The following CALN1 variants were observed in gnomAD, a reference collection of about 807,000 sequenced individuals.
CALN1 encodes calcium-binding protein 8.
Under a neutral mutation model 30.6 loss-of-function variants are expected in CALN1, and 17 were observed. That is an observed-to-expected ratio of 0.56 (90% CI 0.38 to 0.83). The LOEUF (loss-of-function observed/expected upper bound fraction) is 0.83, where lower values mean the gene tolerates loss of function less well. CALN1 is among the 40% of genes least tolerant of loss of function. The pLI, the probability that CALN1 is intolerant of heterozygous loss-of-function variation, is 0.00. For synonymous variants in CALN1, 156 were observed against 131.4 expected, an observed-to-expected ratio of 1.19 and a Z score of -1.28; for missense variants, 291 against 354.9, an observed-to-expected ratio of 0.82 and a Z score of 1.45.
rs552159149 is a variant in CALN1, at chr7:72,049,564, GTGGCACCATCT to G, written c.389-25806_389-25796del. ...CTCTTGTTGCCCAGTCTGGAGTGCA[GTGGCACCATCT>G]TGGCTCACTGCAACCCCTGCCTCCC... On this transcript the variant is annotated intron_variant, in intron 4 of 6. Coordinates refer to ENST00000395275, the MANE Select transcript of CALN1 (RefSeq NM_031468.4). Among the ~76,000 whole-genome samples, 4 of 152,188 alleles carry G rather than the reference GTGGCACCATCT, an allele frequency of 2.6e-5. No homozygotes were observed. The South Asian group carries it at 8.3e-4, about 32-fold the overall frequency.
intron 3 of CALN1, among the ~76,000 whole-genome samples, chr7:72,215,307 G>A (rs1490149530): frequency 6.6e-6 from 1 of 152,076 alleles, no homozygotes; most frequent in Admixed American, 6.6e-5. Flanking sequence ...TAAAGACAAA[G>A]GAGAGGCCAG....
At chr7:72,272,728 T>C (rs980035465) in intron 3 of CALN1, among the ~76,000 whole-genome samples, 9 of 152,112 alleles carry the variant, frequency 5.9e-5, no homozygotes, top group Admixed American at 5.9e-4. Flanking sequence ...CTCACCACAA[T>C]ACATTGACAG....
intron 1 of CALN1, among the ~76,000 whole-genome samples, chr7:72,424,658 G>A (rs116650830): frequency 0.012 from 1,888 of 151,928 alleles, 32 homozygotes; most frequent in African/African-American, 0.043. Flanking sequence ...ATGCAGTGGC[G>A]TGATCATAGC....
intron 5 of CALN1, among the ~76,000 whole-genome samples, chr7:71,997,932 T>G (rs1799333634): frequency 6.6e-6 from 1 of 152,144 alleles, no homozygotes. Flanking sequence ...GCGACTCTTG[T>G]GCCTCAGCCT....
At chr7:71,792,056 A>G (rs1452941476) in intron 6 of CALN1, among the ~76,000 whole-genome samples, 3 of 152,206 alleles carry the variant, frequency 2.0e-5, no homozygotes, top group African/African-American at 4.8e-5. Flanking sequence ...TTCTCCAGAA[A>G]GCCAGGCTTC....
chr7:72,100,686 G>T (rs1425503219), intron 4 of CALN1, among the ~76,000 whole-genome samples: 4 of 151,712 alleles, frequency 2.6e-5, no homozygotes, highest in Non-Finnish European at 5.9e-5. Context: ...CGGGCGTGGT[G>T]GCGGGTGCCT....
intron 3 of CALN1, among the ~76,000 whole-genome samples, chr7:72,130,538 A>G (rs1383042750): frequency 6.6e-6 from 1 of 152,162 alleles, no homozygotes; most frequent in African/African-American, 2.4e-5. Context: ...TTTTGCCATT[A>G]AAAGTATGGA....
At position 72,071,322 on chromosome 7, in the gene CALN1, C is replaced by T. The variant is rs1584881231; in HGVS notation, c.388+34829G>A. Among the ~76,000 whole-genome samples the T allele has an allele frequency of 2.0e-5, 3 of 152,266 alleles. No homozygotes were observed. The East Asian group carries it at 5.8e-4, about 29-fold the overall frequency. ...AGAGGCAGGGGCCACTGTTGCTACA[C>T]CTCTGCCCATTGTATAAGCTCCACC... On this transcript the variant is annotated intron_variant, in intron 4 of 6. Coordinates refer to ENST00000395275, the MANE Select transcript of CALN1 (RefSeq NM_031468.4).
At chr7:72,324,888 A>AC (rs1213586602) in intron 2 of CALN1, among the ~76,000 whole-genome samples, 5 of 152,102 alleles carry the variant, frequency 3.3e-5, no homozygotes, top group African/African-American at 1.2e-4. Context: ...TCAGTCTCAA[A>AC]TTTTTCCCTG....
chr7:71,812,929 C>CATCATTATTATT lies in CALN1; in HGVS notation c.502-2438_502-2437insAATAATAATGAT, dbSNP rs1287091997. 8.6e-3 allele frequency among the ~76,000 whole-genome samples: 1,180 copies of CATCATTATTATT among 136,482 alleles called. 8 individuals carry two copies. The highest frequency in any genetic ancestry group is 0.012 in the Non-Finnish European group (750 of 64,554). The allele number at this position is 136,482 out of a possible 152,430, so 89.5% of individuals were successfully genotyped here. On this transcript the variant is annotated intron_variant, in intron 5 of 6. Coordinates refer to ENST00000395275, the MANE Select transcript of CALN1 (RefSeq NM_031468.4). ...CAGCTATTTTATTTATCATCATCAT[C>CATCATTATTATT]ATTATTATTATTATTATTATTATTA... is the stretch of plus-strand genomic sequence containing the variant.
intron 2 of CALN1, among the ~76,000 whole-genome samples, chr7:72,352,036 T>C (rs1802948041): frequency 6.6e-6 from 1 of 152,158 alleles, no homozygotes; most frequent in African/African-American, 2.4e-5. Context: ...CCCAGCACTT[T>C]GGGAAGCCAA....
intron 3 of CALN1, among the ~76,000 whole-genome samples, chr7:72,153,521 TA>T (rs372104313): frequency 0.27 from 37,972 of 142,764 alleles, 5,337 homozygotes; most frequent in Non-Finnish European, 0.33. Context: ...TCTACAAAAT[TA>T]AAAAAAAAAA....
chr7:71,815,375 A>T (rs1788200630), intron 5 of CALN1, among the ~76,000 whole-genome samples: 1 of 152,158 alleles, frequency 6.6e-6, no homozygotes. Context: ...AAAGTGATAG[A>T]AGTATGAAAG....
At chr7:72,320,419 G>C (rs1174338401) in intron 2 of CALN1, among the ~76,000 whole-genome samples, 1 of 152,090 alleles carries the variant, frequency 6.6e-6, no homozygotes, top group Non-Finnish European at 1.5e-5. Context: ...GGCTCTTATT[G>C]GGGAAGCAAG....
At chr7:72,061,908 G>A (rs1803682474) in intron 4 of CALN1, among the ~76,000 whole-genome samples, 1 of 151,664 alleles carries the variant, frequency 6.6e-6, no homozygotes, top group Non-Finnish European at 1.5e-5. Context: ...CAATCAAATT[G>A]CTGAAGAATA....
intron 4 of CALN1, among the ~76,000 whole-genome samples, chr7:72,081,039 A>G (rs1584902075): frequency 6.6e-6 from 1 of 152,116 alleles, no homozygotes; most frequent in Non-Finnish European, 1.5e-5. Flanking sequence ...ATAGCTGAGG[A>G]CAATGCACCC....
Position 72,308,371 on chromosome 7 carries a change from G to T in CALN1, c.120-29561C>A, listed in dbSNP as rs1218546339. On this transcript the variant is annotated intron_variant, in intron 2 of 6. Coordinates refer to ENST00000395275, the MANE Select transcript of CALN1 (RefSeq NM_031468.4). The stretch of plus-strand genomic sequence containing the variant: ...AGAGTGAGATGCTGTCTGTGGGGGG[G>T]GGAGAGAGAGAGAGAGAGAGAGAGA... 2.1e-5 allele frequency among the ~76,000 whole-genome samples: 2 copies of T among 94,116 alleles called. 1 individual carries two copies. Among genetic ancestry groups the T allele is most frequent in the Non-Finnish European group, 4.3e-5 (2 of 46,378 alleles). The allele number at this position is 94,116 out of a possible 152,430, so 61.7% of individuals were successfully genotyped here.
At chr7:72,131,956 T>G (rs1053951469) in intron 3 of CALN1, among the ~76,000 whole-genome samples, 1 of 152,176 alleles carries the variant, frequency 6.6e-6, no homozygotes, top group African/African-American at 2.4e-5. Flanking sequence ...AAGATCTGCA[T>G]TATCCTCTTC....
intron 1 of CALN1, among the ~76,000 whole-genome samples, chr7:72,418,570 C>G (rs1316401787): frequency 6.6e-6 from 1 of 152,160 alleles, no homozygotes; most frequent in Non-Finnish European, 1.5e-5. Flanking sequence ...TCCCCAGTAC[C>G]TCAGCCATAT....
Sources: gnomAD v4.1 joint callset for allele counts (sites outside exome capture counted in the v4.1 genomes callset) on GRCh38, gnomAD v4.1.1 for gene constraint, MANE v1.5 for transcripts, NCBI Gene and HGNC (gene_info 2026-07-23, HGNC 2026-07-21) for gene names.